The following BCL2 variants were observed in gnomAD, a reference collection of about 807,000 sequenced individuals.
BCL2 encodes BCL2 apoptosis regulator, also known as apoptosis regulator Bcl-2.
In BCL2, 1 loss-of-function variant was observed where a neutral mutation model predicts 14.2. The ratio of observed to expected loss-of-function variants is 0.07; its 90% CI spans 0.02 to 0.33. The LOEUF is 0.33. BCL2 is among the 10% of genes least tolerant of loss of function. The pLI is 0.99. For synonymous variants in BCL2, 151 were observed against 137.2 expected, an observed-to-expected ratio of 1.10 and a Z score of -0.70; for missense variants, 247 against 305.9, an observed-to-expected ratio of 0.81 and a Z score of 1.44.
At chr18:63,223,295 G>C (rs1432043078) in intron 2 of BCL2, among the ~76,000 whole-genome samples, 1 of 152,104 alleles carries the variant, frequency 6.6e-6, no homozygotes, top group Non-Finnish European at 1.5e-5. Context: ...AGCTACTTGG[G>C]AGGCTGAGGC....
intron 2 of BCL2, among the ~76,000 whole-genome samples, chr18:63,222,097 A>G (rs1469477472): frequency 6.6e-6 from 1 of 151,990 alleles, no homozygotes; most frequent in African/African-American, 2.4e-5. Flanking sequence ...CCTGGCCAAC[A>G]AGGCTAAATC....
At chr18:63,266,660 A>AAAAT (rs1237257441) in intron 2 of BCL2, among the ~76,000 whole-genome samples, 3 of 143,464 alleles carry the variant, frequency 2.1e-5, no homozygotes, top group African/African-American at 5.5e-5. Flanking sequence ...CACACACAAA[A>AAAAT]ATATATATAT....
chr18:63,244,007 A>T (rs994669251), intron 2 of BCL2, among the ~76,000 whole-genome samples: 2 of 152,076 alleles, frequency 1.3e-5, no homozygotes, highest in Non-Finnish European at 2.9e-5. Context: ...ACTTTGGGAG[A>T]CCACAGCAGG....
intron 2 of BCL2, among the ~76,000 whole-genome samples, chr18:63,258,019 A>T (rs1266137759): frequency 2.6e-5 from 4 of 152,348 alleles, no homozygotes; most frequent in African/African-American, 9.6e-5. Context: ...TTGTAAATGT[A>T]ATCAAGTTAA....
chr18:63,259,076 A>G (rs1433297457), intron 2 of BCL2, among the ~76,000 whole-genome samples: 1 of 152,166 alleles, frequency 6.6e-6, no homozygotes, highest in East Asian at 1.9e-4. Context: ...CCCATGGCCC[A>G]GATGGAGGAT....
rs2144326703 is a variant in BCL2, at chr18:63,318,699, G to A, written c.-33C>T. 6.2e-7 allele frequency: 1 copy of A among 1,611,690 alleles called. No individual in the cohort carries two copies. The highest frequency in any genetic ancestry group is 8.5e-7 in the Non-Finnish European group (1 of 1,178,832). On this transcript the variant is annotated 5_prime_UTR_variant, in exon 2 of 3. Coordinates refer to ENST00000333681, the MANE Select transcript of BCL2 (RefSeq NM_000633.3). This position sits in a 1 kb window ranked among gnomAD's most constrained non-coding sequence, Gnocchi z 7.4. ...AGAGGAAAAGCAACGGGGGCCAACG[G>A]CACCTCTCGCCCCAGCTCCCACCCC...
intron 2 of BCL2, among the ~76,000 whole-genome samples, chr18:63,146,860 A>G (rs761104591): frequency 4.6e-5 from 7 of 152,218 alleles, no homozygotes; most frequent in Non-Finnish European, 8.8e-5. Context: ...TCAAACAGGT[A>G]TGTTTTACTA....
intron 2 of BCL2, among the ~76,000 whole-genome samples, chr18:63,156,125 C>T (rs554807169): frequency 1.9e-4 from 27 of 141,244 alleles, no homozygotes; most frequent in Admixed American, 1.1e-3. Context: ...CGGCATCAGA[C>T]GGGCTGGCAG....
At chr18:63,254,267 C>T (rs1284656975) in intron 2 of BCL2, among the ~76,000 whole-genome samples, 1 of 151,178 alleles carries the variant, frequency 6.6e-6, no homozygotes, top group Non-Finnish European at 1.5e-5. Context: ...TCTTCCTGTC[C>T]AGGCAAGGTG....
rs1172883708 is a variant in BCL2 at position 63,124,574 on chromosome 18, A to C, written c.*4051T>G. 2 of 232,102 alleles carry C rather than the reference A, an allele frequency of 8.6e-6. No individual in the cohort carries two copies. Among genetic ancestry groups the C allele is most frequent in the African/African-American group, 2.2e-5 (1 of 45,204 alleles). 14.4% of individuals were successfully genotyped at this position (232,102 alleles called of 1,614,324 possible). The stretch of plus-strand genomic sequence containing the variant: ...CCAACTCCCTGATCCAAACTTGGGA[A>C]TGTTTTACATTTAAAAATTCTTCCT... On this transcript the variant is annotated 3_prime_UTR_variant, in exon 3 of 3. Transcript: ENST00000333681.
intron 2 of BCL2, among the ~76,000 whole-genome samples, chr18:63,255,143 C>G (rs1039779646): frequency 6.6e-6 from 1 of 152,160 alleles, no homozygotes; most frequent in Non-Finnish European, 1.5e-5. Flanking sequence ...GATGGCATGG[C>G]TGAGGTCCAA....
intron 2 of BCL2, among the ~76,000 whole-genome samples, chr18:63,136,679 G>A (rs1295952721): frequency 3.3e-5 from 5 of 152,204 alleles, no homozygotes; most frequent in Admixed American, 1.3e-4. Context: ...TCTGAGGGCC[G>A]GTGTAGACCA....
chr18:63,196,355 T>C (rs146970032), intron 2 of BCL2, among the ~76,000 whole-genome samples: 2 of 152,332 alleles, frequency 1.3e-5, no homozygotes, highest in African/African-American at 4.8e-5. Context: ...AGTTCAGTTG[T>C]GCAGGCTCTG....
intron 2 of BCL2, among the ~76,000 whole-genome samples, chr18:63,197,887 AAAAC>A (rs996944670): frequency 2.0e-5 from 3 of 152,220 alleles, no homozygotes; most frequent in Admixed American, 2.0e-4. Flanking sequence ...AAAGAAATAT[AAAAC>A]AAACAGAGAC....
chr18:63,290,632 T>C (rs879058100), intron 2 of BCL2, among the ~76,000 whole-genome samples: 3 of 152,158 alleles, frequency 2.0e-5, no homozygotes, highest in Admixed American at 2.0e-4. Context: ...TGGCAGGAAT[T>C]TCACTTGAAT....
At chr18:63,287,339 C>T (rs1912504754) in intron 2 of BCL2, among the ~76,000 whole-genome samples, 1 of 152,118 alleles carries the variant, frequency 6.6e-6, no homozygotes, top group South Asian at 2.1e-4. Context: ...AGGTGCTCAA[C>T]AGAGATGTTT....
At chr18:63,167,896 AGCCTGGGT>A (rs1246197419) in intron 2 of BCL2, among the ~76,000 whole-genome samples, 1 of 151,636 alleles carries the variant, frequency 6.6e-6, no homozygotes, top group Non-Finnish European at 1.5e-5. Context: ...ACTGCACTCC[AGCCTGGGT>A]GACAGAGTGA....
At chr18:63,217,405 G>C (rs1489594585) in intron 2 of BCL2, among the ~76,000 whole-genome samples, 2 of 152,168 alleles carry the variant, frequency 1.3e-5, no homozygotes, top group Non-Finnish European at 2.9e-5. Context: ...CTGTCTTGCT[G>C]TTATTCCCAA....
chr18:63,256,820 T>G (rs1911490964), intron 2 of BCL2, among the ~76,000 whole-genome samples: 1 of 152,136 alleles, frequency 6.6e-6, no homozygotes, highest in African/African-American at 2.4e-5. Flanking sequence ...AACCTAACCA[T>G]CTACAGAGTA....
Sources: gnomAD v4.1 joint callset for allele counts (sites outside exome capture counted in the v4.1 genomes callset) on GRCh38, gnomAD v4.1.1 for gene constraint, Gnocchi (gnomAD v3.1) non-coding constraint, MANE v1.5 for transcripts, NCBI Gene and HGNC (gene_info 2026-07-23, HGNC 2026-07-21) for gene names.